Variants in SDC1 observed in about 807,000 individuals in gnomAD.
SDC1 encodes syndecan-1.
In SDC1, 14 loss-of-function variants were observed where a neutral mutation model predicts 29.7. That is an observed-to-expected ratio of 0.47 (90% confidence interval 0.31 to 0.74). The LOEUF (loss-of-function observed/expected upper bound fraction) is 0.74. Among genes scored for constraint, SDC1 ranks in the 30% least tolerant of loss-of-function variants. SDC1 has a pLI of 0.05. For missense variants in SDC1, 406 were observed against 400.3 expected, an observed-to-expected ratio of 1.01 and a Z score of -0.12; for synonymous variants, 204 against 175.5, an observed-to-expected ratio of 1.16 and a Z score of -1.29.
Position 20,224,153 on chromosome 2 carries a change from T to C in SDC1, c.66+649A>G, listed in dbSNP as rs1323424913. ...GGGTCTCCAGCGTTCCGAGGCCAACTTCCCGGAACCTCCCGCTGCCGGGCC... is the reference window on the plus strand; with the variant it reads ...GGGTCTCCAGCGTTCCGAGGCCAACCTCCCGGAACCTCCCGCTGCCGGGCC... On this transcript the variant is annotated intron_variant, in intron 1 of 4. Transcript: ENST00000254351. The surrounding 1 kb of genome is among the most constrained non-coding windows in gnomAD (Gnocchi z 4.9). 4.7e-6 allele frequency: 2 copies of C among 427,036 alleles called. No homozygotes were observed. Among genetic ancestry groups the C allele is most frequent in the African/African-American group, 4.3e-5 (2 of 46,274 alleles). 26.5% of individuals were successfully genotyped at this position (427,036 alleles called of 1,614,324 possible).
rs1558429745 is a variant in SDC1, at chr2:20,203,180, C to T, written c.670G>A (p.Ala224Thr). 1 of 1,612,914 alleles carries T rather than the reference C, an allele frequency of 6.2e-7. No homozygotes were observed. Among genetic ancestry groups the T allele is most frequent in the Non-Finnish European group, 8.5e-7 (1 of 1,179,518 alleles). ...TGGTTCCGGCGGTCAGGCTCCACGG[C>T]CACTACAGCCGTATTCTCCCCCGAG... ...ETSGENTAVV[A>T]VEPDRRNQSP... The change falls in exon 4 of 5, where the codon GCC (alanine) becomes ACC (threonine). Residue 224 changes from alanine to threonine, a missense_variant. Transcript: ENST00000254351.
At chr2:20,220,866 G>C (rs983572351) in intron 1 of SDC1, among the ~76,000 whole-genome samples, 4 of 152,206 alleles carry the variant, frequency 2.6e-5, no homozygotes, top group African/African-American at 9.7e-5. Flanking sequence ...CAAACATGTG[G>C]TGAAGAGTTG....
At chr2:20,205,248 T>C (rs1378043518) in intron 2 of SDC1, 95 bp downstream of exon 2, 4 of 964,234 alleles carry the variant, frequency 4.1e-6, no homozygotes, top group Non-Finnish European at 6.7e-6. Flanking sequence ...GTGCACTCAG[T>C]ACATGCTCAG....
In SDC1 at chr2:20,224,379, G is replaced by A. The variant is rs1322650663; in HGVS notation, c.66+423C>T. On this transcript the variant is annotated intron_variant, in intron 1 of 4. Coordinates refer to ENST00000254351, the MANE Select transcript of SDC1 (RefSeq NM_002997.5). This position sits in a 1 kb window ranked among gnomAD's most constrained non-coding sequence, Gnocchi z 4.9. ...GGCGGCGCTGGGGCGCAAGCCCGCG[G>A]GTCTGGTTTGAATTAGGGTCTGCAG... The A allele has an allele frequency of 6.6e-6, 1 of 152,074 alleles. No individual in the cohort carries two copies. Among genetic ancestry groups the A allele is most frequent in the Non-Finnish European group, 1.5e-5 (1 of 68,404 alleles). 9.4% of individuals were successfully genotyped at this position (152,074 alleles called of 1,614,324 possible).
chr2:20,217,682 A>G (rs1487862009), intron 1 of SDC1, among the ~76,000 whole-genome samples: 2 of 152,184 alleles, frequency 1.3e-5, no homozygotes, highest in Non-Finnish European at 1.5e-5. Context: ...GAGGGCTTGC[A>G]GTGGATCAAG....
Position 20,202,331 on chromosome 2 carries a change from C to A in SDC1, c.*435G>T. The A allele has an allele frequency of 1.3e-6, 1 of 773,434 alleles. No individual in the cohort carries two copies. Among genetic ancestry groups the A allele is most frequent in the Non-Finnish European group, 2.4e-6 (1 of 415,694 alleles). 47.9% of individuals were successfully genotyped at this position (773,434 alleles called of 1,614,324 possible). A position where few individuals can be genotyped will look rare whatever the true frequency, so the allele number is the denominator to read the frequency against. On this transcript the variant is annotated 3_prime_UTR_variant, in exon 5 of 5. Transcript: ENST00000254351. ...TGTCCCCTGCCACTCAGCGGCCACCCCCCCAAGATGCTTGGTCCTACCAGT... is the reference window on the plus strand; with the variant it reads ...TGTCCCCTGCCACTCAGCGGCCACCACCCCAAGATGCTTGGTCCTACCAGT...
chr2:20,220,813 G>A (rs1677795021), intron 1 of SDC1, among the ~76,000 whole-genome samples: 2 of 152,222 alleles, frequency 1.3e-5, no homozygotes, highest in South Asian at 4.1e-4. Flanking sequence ...CTGTCACACA[G>A]TATGGATGCA....
chr2:20,204,313 G>T, intron 2 of SDC1, 22 bp from the exon 3 acceptor site: 1 of 1,512,006 alleles, frequency 6.6e-7, no homozygotes, highest in Non-Finnish European at 9.0e-7. Flanking sequence ...GAAGCAGAGT[G>T]TGTTGGGGAG....
At chr2:20,209,765 G>A (rs1677401630) in intron 1 of SDC1, among the ~76,000 whole-genome samples, 1 of 152,242 alleles carries the variant, frequency 6.6e-6, no homozygotes, top group African/African-American at 2.4e-5. Flanking sequence ...CCCTTGTCCT[G>A]GCCAGCCCTG....
intron 1 of SDC1, among the ~76,000 whole-genome samples, chr2:20,220,422 C>T (rs990968130): frequency 1.3e-5 from 2 of 152,052 alleles, no homozygotes; most frequent in African/African-American, 2.4e-5. Flanking sequence ...TGGAGGGGCC[C>T]GCCACCCTAG....
Position 20,203,067 on chromosome 2 carries a change from C to A in SDC1, c.763+20G>T. 4 of 1,586,752 alleles carry A rather than the reference C, an allele frequency of 2.5e-6. No homozygotes were observed. Among genetic ancestry groups the A allele is most frequent in the Non-Finnish European group, 3.4e-6 (4 of 1,161,534 alleles). On this transcript the variant is annotated intron_variant, in intron 4 of 4. Coordinates refer to ENST00000254351, the MANE Select transcript of SDC1 (RefSeq NM_002997.5). ...ACAGCAGCAATTCACCCCAAACTAC[C>A]CCCCTGAAAGAAAACTCACCTCCCA...
chr2:20,203,977 T>C lies in SDC1; in HGVS notation c.463A>G (p.Arg155Gly). The C allele has an allele frequency of 6.2e-7, 1 of 1,613,826 alleles. No individual in the cohort carries two copies. Among genetic ancestry groups the C allele is most frequent in the Non-Finnish European group, 8.5e-7 (1 of 1,179,962 alleles). Residue 155 changes from arginine to glycine, a missense_variant, in exon 3 of 5, where the codon AGG (arginine) becomes GGG (glycine). By Grantham distance (125) the Arg-to-Gly change is moderately radical. Transcript: ENST00000254351. The part of the protein sequence containing the change: ...AQEPATSHPH[R>G]DMQPGHHETS... Reference sequence around the variant, plus strand: ...TCATGGTGGCCAGGCTGCATGTCCCTGTGGGGGTGGGAGGTGGCGGGCTCC... The same window carrying C: ...TCATGGTGGCCAGGCTGCATGTCCCCGTGGGGGTGGGAGGTGGCGGGCTCC...
rs1327348221 is a variant in SDC1 at position 20,204,274 on chromosome 2, T to C, written c.166A>G (p.Thr56Ala). 1.3e-6 allele frequency: 2 copies of C among 1,559,580 alleles called. No individual in the cohort carries two copies. Among genetic ancestry groups the C allele is most frequent in the Non-Finnish European group, 1.7e-6 (2 of 1,155,680 alleles). Reference sequence around the variant, plus strand: ...GTGGAGGGGGTCTGCTGTGACAAGGTGATATCTTGCAAAGCACCTGCAGGA... The same window carrying C: ...GTGGAGGGGGTCTGCTGTGACAAGGCGATATCTTGCAAAGCACCTGCAGGA... The part of the protein sequence containing the change: ...GSGAGALQDI[T>A]LSQQTPSTWK... The change falls in exon 3 of 5, where the codon ACC (threonine) becomes GCC (alanine). Residue 56 changes from threonine to alanine, a missense_variant. Transcript: ENST00000254351.
chr2:20,223,797 C>T (rs116829071), intron 1 of SDC1, among the ~76,000 whole-genome samples: 2 of 152,092 alleles, frequency 1.3e-5, no homozygotes, highest in African/African-American at 4.8e-5. Context: ...GGCGGGAGAG[C>T]CACTTTCTGG....
intron 1 of SDC1, among the ~76,000 whole-genome samples, chr2:20,210,102 G>A (rs896368596): frequency 3.3e-5 from 5 of 152,250 alleles, no homozygotes; most frequent in South Asian, 4.1e-4. Flanking sequence ...AGCACTTCGG[G>A]AGGCCGAGGT....
intron 3 of SDC1, among the ~76,000 whole-genome samples, chr2:20,203,537 G>C (rs977584954): frequency 6.6e-6 from 1 of 152,238 alleles, no homozygotes; most frequent in African/African-American, 2.4e-5. Flanking sequence ...ATTGGACTTG[G>C]TATAACGTTC....
At position 20,215,407 on chromosome 2, in the gene SDC1, A is replaced by T. The variant is rs3771235; in HGVS notation, c.66+9395T>A. ...CCCCTGGCAGAGGCTCGGGTGGAAG[A>T]GAGCAAAGTCTAGCCTGCTAGTGAA... On this transcript the variant is annotated intron_variant, in intron 1 of 4. Transcript: ENST00000254351. Among the ~76,000 whole-genome samples the T allele has an allele frequency of 2.5e-3, 388 of 152,372 alleles. 14 individuals are homozygous for T. The East Asian group carries it at 0.065, about 26-fold the overall frequency.
At chr2:20,207,447 T>G in intron 1 of SDC1, 1 of 972,968 alleles carries the variant, frequency 1.0e-6, no homozygotes, top group Non-Finnish European at 1.2e-6. Context: ...ACTGGTGCAG[T>G]GGCTCACGCC....
In SDC1 at chr2:20,202,239, A is replaced by G. The variant is rs1484959196; in HGVS notation, c.*527T>C. 4 of 778,244 alleles carry G rather than the reference A, an allele frequency of 5.1e-6. No individual in the cohort carries two copies. Among genetic ancestry groups the G allele is most frequent in the Non-Finnish European group, 9.6e-6 (4 of 417,518 alleles). The allele number at this position is 778,244 out of a possible 1,614,324, so 48.2% of individuals were successfully genotyped here. A position where few individuals can be genotyped will look rare whatever the true frequency, so the allele number is the denominator to read the frequency against. ...TCTACTGGGCTATGAACAAAGAACT[A>G]GAGGAAACATGTGCAAAAACAAGTC... On this transcript the variant is annotated 3_prime_UTR_variant, in exon 5 of 5. Coordinates refer to ENST00000254351, the MANE Select transcript of SDC1 (RefSeq NM_002997.5).
Sources: gnomAD v4.1 joint callset for allele counts (sites outside exome capture counted in the v4.1 genomes callset) on GRCh38, gnomAD v4.1.1 for gene constraint, Gnocchi (gnomAD v3.1) non-coding constraint, MANE v1.5 for transcripts, NCBI Gene and HGNC (gene_info 2026-07-23, HGNC 2026-07-21) for gene names.